Variants in MGAM observed in about 807,000 individuals in gnomAD.
MGAM encodes the protein maltase-glucoamylase.
Under a neutral mutation model 358.8 loss-of-function variants are expected in MGAM, and 253 were observed. That is an observed-to-expected ratio of 0.71 (90% confidence interval 0.64 to 0.78). MGAM has a LOEUF of 0.78. Among genes scored for constraint, MGAM ranks in the 30% least tolerant of loss-of-function variants. The probability of loss-of-function intolerance (pLI) is 0.00; values close to 1 mark genes in which losing one functional copy is unlikely to be tolerated. For synonymous variants in MGAM, 1,105 were observed against 1,227.1 expected, an observed-to-expected ratio of 0.90 and a Z score of 2.08; for missense variants, 3,080 against 3,432.6, an observed-to-expected ratio of 0.90 and a Z score of 2.57.
At chr7:142,094,226 C>T (rs1381823216) in intron 60 of MGAM, 138 bp from the exon 61 acceptor site, 1 of 1,066,938 alleles carries the variant, frequency 9.4e-7, no homozygotes, top group African/African-American at 1.5e-5. Flanking sequence ...GTGGAGCCCC[C>T]ATTACAGCTC....
chr7:142,032,750 A>C (rs1483738458), intron 13 of MGAM, 75 bp from the exon 14 acceptor site: 3 of 849,878 alleles, frequency 3.5e-6, no homozygotes, highest in Non-Finnish European at 5.6e-6. Context: ...CTGATTAATT[A>C]AAAAAAGACA....
intron 68 of MGAM, among the ~76,000 whole-genome samples, chr7:142,101,783 C>T (rs557622422): frequency 6.6e-6 from 1 of 151,978 alleles, no homozygotes; most frequent in East Asian, 1.9e-4. Context: ...TGGCACATGC[C>T]TGTAATCCCA....
chr7:142,030,581 T>G, intron 11 of MGAM, 60 bp from the exon 12 acceptor site: 2 of 1,605,336 alleles, frequency 1.2e-6, no homozygotes, highest in Admixed American at 3.3e-5. Context: ...CAGTTCCCAG[T>G]CTCCTTTCAG....
At chr7:142,044,028 A>ATACGATGTATAATATATACATTATATACG in intron 21 of MGAM, among the ~76,000 whole-genome samples, 1 of 77,428 alleles carries the variant, frequency 1.3e-5, no homozygotes, top group Non-Finnish European at 3.0e-5. Flanking sequence ...CATTATATAC[A>ATACGATGTATAATATATACATTATATACG]CATACGACGT....
rs564577789 is a variant in MGAM at position 142,081,594 on chromosome 7, C to T, written c.6003-448C>T. Among the ~76,000 whole-genome samples, 96 of 145,810 alleles carry T rather than the reference C, an allele frequency of 6.6e-4. 9 individuals carry two copies. Among genetic ancestry groups the T allele is most frequent in the African/African-American group, 1.0e-3 (42 of 40,994 alleles). On this transcript the variant is annotated intron_variant, in intron 50 of 70. Coordinates refer to ENST00000475668, the MANE Select transcript of MGAM (RefSeq NM_001365693.1). The stretch of plus-strand genomic sequence containing the variant: ...GTGCTGGGAGAGGAAGCTGCAACGC[C>T]GGTTGAGGGGGCAGCTTCAGCCTTG...
chr7:141,988,047 G>A (rs1466800421), intron 2 of MGAM, among the ~76,000 whole-genome samples: 1 of 152,126 alleles, frequency 6.6e-6, no homozygotes, highest in Non-Finnish European at 1.5e-5. Flanking sequence ...CAGCACTTTG[G>A]GAGGCCAAGG....
intron 3 of MGAM, among the ~76,000 whole-genome samples, chr7:142,016,364 A>G (rs533424970): frequency 2.0e-4 from 31 of 152,306 alleles, no homozygotes; most frequent in Non-Finnish European, 3.7e-4. Context: ...TACATTATCC[A>G]TCAATTACTC....
At chr7:141,996,697 T>C (rs1441947981) in intron 1 of MGAM, among the ~76,000 whole-genome samples, 1 of 152,122 alleles carries the variant, frequency 6.6e-6, no homozygotes, top group Non-Finnish European at 1.5e-5. Context: ...AATCAGAAAA[T>C]TGAGAAATAT....
chr7:142,102,756 T>TA, intron 69 of MGAM, 77 bp downstream of exon 69: 1 of 1,344,448 alleles, frequency 7.4e-7, no homozygotes, highest in South Asian at 1.3e-5. Flanking sequence ...GGGCATAAAA[T>TA]ACCACCTAGA....
In MGAM at chr7:142,062,689, A is replaced by T. The variant is rs375424596; in HGVS notation, c.4244A>T (p.Asp1415Val). ...PQNPERSLKF[D>V]GMWIDMNEPS... The stretch of plus-strand genomic sequence containing the variant: ...AATCCAGAGAGGAGCTTGAAGTTTG[A>T]TGGCATGTGGATTGTAAGTGTGTGT... The change falls in exon 35 of 71, where the codon GAT becomes GTT. Residue 1415 changes from aspartate (D) to valine (V), a missense_variant. Asp to Val is a radical substitution (Grantham distance 152, BLOSUM62 -3). Around this residue, in one of 5 missense-constraint regions of MGAM, gnomAD observed 1,816 missense variants for 1,840.5 expected, o/e 0.99. Coordinates refer to ENST00000475668, the MANE Select transcript of MGAM (RefSeq NM_001365693.1). The T allele has an allele frequency of 6.2e-7, 1 of 1,609,858 alleles. No individual in the cohort carries two copies. The highest frequency in any genetic ancestry group is 1.7e-5 in the Admixed American group (1 of 59,310).
chr7:142,071,141 T>C, intron 44 of MGAM, 23 bp downstream of exon 44: 5 of 1,537,550 alleles, frequency 3.3e-6, no homozygotes, highest in Non-Finnish European at 4.5e-6. Context: ...ACTCAGGTTT[T>C]CCTTTACATT....
intron 43 of MGAM, among the ~76,000 whole-genome samples, chr7:142,069,970 G>T (rs1813198408): frequency 6.9e-6 from 1 of 145,668 alleles, no homozygotes; most frequent in African/African-American, 2.4e-5. Flanking sequence ...GAGATGGACA[G>T]ATCACAAGGT....
At chr7:142,094,239 A>G in intron 60 of MGAM, 125 bp from the exon 61 acceptor site, 1 of 1,172,624 alleles carries the variant, frequency 8.5e-7, no homozygotes, top group Middle Eastern at 2.8e-4. Context: ...TACAGCTCAG[A>G]GTCCCGTGTT....
In MGAM at chr7:142,106,301, GA is replaced by G. The variant is rs1314271223; in HGVS notation, c.*413del. On this transcript the variant is annotated 3_prime_UTR_variant, in exon 71 of 71. Transcript: ENST00000475668. ...GTCTTGAAGCTAATCAGCATCTCAA[GA>G]AAGTATCCAGAAAGAACATCTGCTA... 6.4e-6 allele frequency: 1 copy of G among 155,184 alleles called. No homozygotes were observed. Among genetic ancestry groups the G allele is most frequent in the East Asian group, 1.9e-4 (1 of 5,352 alleles). 9.6% of individuals were successfully genotyped at this position (155,184 alleles called of 1,614,324 possible). A position where few individuals can be genotyped will look rare whatever the true frequency, so the allele number is the denominator to read the frequency against.
In MGAM at chr7:142,078,076, G is replaced by A. The variant is rs868404682; in HGVS notation, c.5494-242G>A. ...GCGACAGGTTTTATTTGACCTAATTGTTTTCATTATGCTATGTACAAGATT... is the reference window on the plus strand; with the variant it reads ...GCGACAGGTTTTATTTGACCTAATTATTTTCATTATGCTATGTACAAGATT... On this transcript the variant is annotated intron_variant, in intron 47 of 70. Transcript: ENST00000475668. Among the ~76,000 whole-genome samples the A allele has an allele frequency of 7.5e-5, 11 of 145,738 alleles. 3 individuals carry two copies. The highest frequency in any genetic ancestry group is 3.6e-3 in the Middle Eastern group (1 of 280).
At chr7:141,989,400 A>G (rs964118752) in intron 2 of MGAM, among the ~76,000 whole-genome samples, 4 of 152,206 alleles carry the variant, frequency 2.6e-5, no homozygotes, top group African/African-American at 9.7e-5. Flanking sequence ...TCAAAGTAAC[A>G]TCATGAAGTA....
upstream of MGAM, among the ~76,000 whole-genome samples, chr7:141,991,420 G>A (rs868929534): frequency 1.2e-4 from 18 of 151,918 alleles, no homozygotes; most frequent in Middle Eastern, 3.4e-3. Context: ...GGTGGTGGCT[G>A]GGGATGGAGA....
Position 142,050,756 on chromosome 7 carries a change from T to C in MGAM, c.2697T>C (p.Phe899=), listed in dbSNP as rs182923526. ...ACAAGGACCCCAATAATTTAGCATTTAATGAGATTAAAATTCTTGGGACGG... is the reference window on the plus strand; with the variant it reads ...ACAAGGACCCCAATAATTTAGCATTCAATGAGATTAAAATTCTTGGGACGG... ...STYKDPNNLA[F]NEIKILGTEE... The change falls in exon 24 of 71, where the codon TTT becomes TTC. Residue 899 remains phenylalanine (F), a synonymous_variant. Coordinates refer to ENST00000475668, the MANE Select transcript of MGAM (RefSeq NM_001365693.1). The C allele has an allele frequency of 9.0e-5, 145 of 1,613,798 alleles. No individual in the cohort carries two copies. The Admixed American group carries it at 1.4e-3, about 16-fold the overall frequency.
chr7:142,053,848 C>G (rs1009707264), intron 26 of MGAM, among the ~76,000 whole-genome samples: 6 of 152,150 alleles, frequency 3.9e-5, no homozygotes, highest in African/African-American at 1.2e-4. Context: ...TTTGTACCCT[C>G]CTTGTAACAC....
Sources: allele counts gnomAD v4.1 joint callset (sites outside exome capture counted in the v4.1 genomes callset), GRCh38; gene constraint gnomAD v4.1.1; regional missense constraint gnomAD v4.1.1; transcripts MANE v1.5; gene names NCBI Gene and HGNC (gene_info 2026-07-23, HGNC 2026-07-21).